The following PPP2R1B variants were observed in gnomAD, a reference collection of about 807,000 sequenced individuals.
The protein encoded by PPP2R1B is serine/threonine-protein phosphatase 2A 65 kDa regulatory subunit A beta isoform.
A neutral mutation model predicts 72.7 loss-of-function variants in PPP2R1B; 58 were observed. That is an observed-to-expected ratio of 0.80 (90% CI 0.65 to 0.99). The LOEUF (loss-of-function observed/expected upper bound fraction) is 0.99, where lower values mean the gene tolerates loss of function less well. Among genes scored for constraint, PPP2R1B ranks in the 50% least tolerant of loss-of-function variants. PPP2R1B has a pLI of 0.00. For missense variants in PPP2R1B, 695 were observed against 733.6 expected (o/e 0.95, Z 0.61); for synonymous variants, 256 against 264.6 (o/e 0.97, Z 0.32).
At position 111,754,965 on chromosome 11, in the gene PPP2R1B, A is replaced by G; in HGVS notation, c.958+15T>C. 6.4e-7 allele frequency: 1 copy of G among 1,563,974 alleles called. No individual in the cohort carries two copies. Among genetic ancestry groups the G allele is most frequent in the Non-Finnish European group, 8.7e-7 (1 of 1,145,250 alleles). Reference sequence around the variant, plus strand: ...ATGAATGACACATGTTCCAACATAAATTGAACTCCTTAACCTTTTACTTTG... The same window carrying G: ...ATGAATGACACATGTTCCAACATAAGTTGAACTCCTTAACCTTTTACTTTG... On this transcript the variant is annotated intron_variant, in intron 7 of 14. Coordinates refer to ENST00000527614, the MANE Select transcript of PPP2R1B (RefSeq NM_002716.5).
chr11:111,712,816 C>T, the PPP2R1B span, among the ~76,000 whole-genome samples: 67 of 152,266 alleles, frequency 4.4e-4, no homozygotes, highest in Admixed American at 4.2e-3. Flanking sequence ...AATGATGGGC[C>T]GTCTTTTGTG....
the PPP2R1B span, among the ~76,000 whole-genome samples, chr11:111,693,746 G>A: frequency 6.6e-6 from 1 of 152,142 alleles, no homozygotes; most frequent in African/African-American, 2.4e-5. Flanking sequence ...ACCTTGGGCC[G>A]ATTATTTACA....
At chr11:111,743,254 C>A in intron 12 of PPP2R1B, 122 bp downstream of exon 12, 1 of 1,018,590 alleles carries the variant, frequency 9.8e-7, no homozygotes, top group Non-Finnish European at 1.4e-6. Flanking sequence ...CCTGTCTATT[C>A]CAATTAATCA....
intron 5 of PPP2R1B, among the ~76,000 whole-genome samples, chr11:111,758,366 C>T (rs1312970833): frequency 2.0e-5 from 3 of 152,060 alleles, no homozygotes; most frequent in Non-Finnish European, 4.4e-5. Flanking sequence ...CCAAGGTGGG[C>T]GGATCACAAG....
At chr11:111,691,133 A>G in the PPP2R1B span, among the ~76,000 whole-genome samples, 3 of 152,248 alleles carry the variant, frequency 2.0e-5, no homozygotes, top group Non-Finnish European at 4.4e-5. Flanking sequence ...TAATTCTGGC[A>G]TAAAATATAC....
downstream of PPP2R1B, chr11:111,725,583 G>A (rs963100780): frequency 2.0e-5 from 3 of 152,656 alleles, no homozygotes; most frequent in African/African-American, 4.8e-5. Context: ...CTGCCCTTTA[G>A]AATGGCTTGT....
At chr11:111,765,486 G>A in intron 1 of PPP2R1B, 102 bp from the exon 2 acceptor site, 1 of 904,944 alleles carries the variant, frequency 1.1e-6, no homozygotes, top group Non-Finnish European at 1.7e-6. Flanking sequence ...ACAGGGGTAA[G>A]AATGAAGATA....
chr11:111,727,602 G>T, intron 15 of PPP2R1B: 1 of 156,658 alleles, frequency 6.4e-6, no homozygotes, highest in Non-Finnish European at 1.4e-5. Flanking sequence ...CAGCAGAAGA[G>T]ACTCATCATA....
the PPP2R1B span, among the ~76,000 whole-genome samples, chr11:111,708,297 G>A: frequency 3.3e-5 from 5 of 152,072 alleles, no homozygotes; most frequent in African/African-American, 1.2e-4. Flanking sequence ...CAGGAAAATC[G>A]CTTGAACCCA....
chr11:111,719,976 A>G, the PPP2R1B span: 5 of 1,613,940 alleles, frequency 3.1e-6, no homozygotes, highest in Non-Finnish European at 3.4e-6. Flanking sequence ...AGAAGTGACC[A>G]ATCAACTGGT....
At chr11:111,744,762 ACTT>A (rs919087941) in intron 11 of PPP2R1B, among the ~76,000 whole-genome samples, 1 of 152,340 alleles carries the variant, frequency 6.6e-6, no homozygotes, top group African/African-American at 2.4e-5. Context: ...GAAATAGGCA[ACTT>A]CTTCTATTCA....
the PPP2R1B span, among the ~76,000 whole-genome samples, chr11:111,689,580 C>T: frequency 2.0e-5 from 3 of 151,910 alleles, no homozygotes; most frequent in East Asian, 5.8e-4. Context: ...GTGTTTTGTT[C>T]TAAGATTGTT....
the PPP2R1B span, among the ~76,000 whole-genome samples, chr11:111,719,094 C>G: frequency 6.6e-6 from 1 of 152,278 alleles, no homozygotes; most frequent in Admixed American, 6.5e-5. Flanking sequence ...GGCTTATTAG[C>G]CTCTGCTGGA....
downstream of PPP2R1B, chr11:111,724,547 T>C (rs966329477): frequency 6.5e-5 from 11 of 168,648 alleles, no homozygotes; most frequent in Admixed American, 6.3e-4. Flanking sequence ...TATTTTTCAC[T>C]GAAGCTGAGC....
chr11:111,722,728 A>G (rs375375895), downstream of PPP2R1B: 4 of 1,614,106 alleles, frequency 2.5e-6, no homozygotes, highest in Non-Finnish European at 3.4e-6. This position sits in a 1 kb window ranked among gnomAD's most constrained non-coding sequence, Gnocchi z 4.4. Flanking sequence ...ACCACCGCGG[A>G]GCCTTGAGCA....
In PPP2R1B at chr11:111,739,205, T is replaced by C. The variant is rs1180053114; in HGVS notation, c.*2391A>G. 2 of 979,458 alleles carry C rather than the reference T, an allele frequency of 2.0e-6. No homozygotes were observed. Among genetic ancestry groups the C allele is most frequent in the Non-Finnish European group, 2.4e-6 (2 of 824,616 alleles). The allele number at this position is 979,458 out of a possible 1,614,324, so 60.7% of individuals were successfully genotyped here. A position where few individuals can be genotyped will look rare whatever the true frequency, so the allele number is the denominator to read the frequency against. The stretch of plus-strand genomic sequence containing the variant: ...TGAACACATTTTTATTGAGCACCTA[T>C]TATGTGCACCAGACACTGTTCCAGG... On this transcript the variant is annotated 3_prime_UTR_variant, in exon 15 of 15. Coordinates refer to ENST00000527614, the MANE Select transcript of PPP2R1B (RefSeq NM_002716.5).
the PPP2R1B span, among the ~76,000 whole-genome samples, chr11:111,697,369 G>T: frequency 6.6e-6 from 1 of 152,182 alleles, no homozygotes; most frequent in Non-Finnish European, 1.5e-5. Flanking sequence ...TGAGAGCTGG[G>T]AGTACAGAAT....
At position 111,753,454 on chromosome 11, in the gene PPP2R1B, A is replaced by C; in HGVS notation, c.1153T>G (p.Leu385Val). Residue 385 changes from leucine to valine, a missense_variant, in exon 9 of 15, where the codon TTA becomes GTA. Coordinates refer to ENST00000527614, the MANE Select transcript of PPP2R1B (RefSeq NM_002716.5). Reference protein sequence around the residue: ...EHLLPLFLAQLKDECPDVRLN... With the variant: ...EHLLPLFLAQVKDECPDVRLN... The stretch of plus-strand genomic sequence containing the variant: ...AAAGCAAGACCCACCTCATCCTTTA[A>C]CTGAGCTAAGAAAAGAGGTAGAAGA... 2.5e-6 allele frequency: 4 copies of C among 1,613,004 alleles called. No individual in the cohort carries two copies. The highest frequency in any genetic ancestry group is 3.4e-6 in the Non-Finnish European group (4 of 1,179,760).
At chr11:111,743,554 T>C (rs1944600601) in intron 11 of PPP2R1B, 24 bp from the exon 12 acceptor site, 1 of 1,589,852 alleles carries the variant, frequency 6.3e-7, no homozygotes, top group Non-Finnish European at 8.5e-7. Context: ...CAAAAACATG[T>C]TCTCATATCG....
Sources: allele counts gnomAD v4.1 joint callset (sites outside exome capture counted in the v4.1 genomes callset), GRCh38; gene constraint gnomAD v4.1.1; non-coding constraint Gnocchi (gnomAD v3.1); transcripts MANE v1.5; gene names NCBI Gene and HGNC (gene_info 2026-07-23, HGNC 2026-07-21).